HIVEP2: variants seen among roughly 807,000 people sequenced by gnomAD.
HIVEP2 encodes HIVEP zinc finger 2.
In HIVEP2, 14 loss-of-function variants were observed where a neutral mutation model predicts 180.7. The ratio of observed to expected loss-of-function variants is 0.08; its 90% CI spans 0.05 to 0.12. The LOEUF (loss-of-function observed/expected upper bound fraction) is 0.12. Ranked by LOEUF, HIVEP2 falls within the 10% of genes least tolerant of loss-of-function variation. HIVEP2 has a pLI of 1.00. For missense variants in HIVEP2, 2,579 were observed against 3,008.5 expected (o/e 0.86, Z 3.34); for synonymous variants, 1,184 against 1,136.4 (o/e 1.04, Z -0.84).
At chr6:142,933,174 C>T (rs1464453423) in intron 1 of HIVEP2, among the ~76,000 whole-genome samples, 1 of 152,150 alleles carries the variant, frequency 6.6e-6, no homozygotes, top group African/African-American at 2.4e-5. Context: ...TTGCATGTTC[C>T]AAAAGAACCT....
chr6:142,809,059 T>A (rs1776624934), intron 2 of HIVEP2, among the ~76,000 whole-genome samples: 1 of 152,074 alleles, frequency 6.6e-6, no homozygotes, highest in Non-Finnish European at 1.5e-5. Context: ...AATACGTGCT[T>A]AAGATATCAC....
chr6:142,774,671 G>C lies in HIVEP2; in HGVS notation c.68C>G (p.Ser23Ter). The change falls in exon 5 of 10, where the codon TCA becomes TGA. Residue 23 changes from serine (S) to a stop codon, truncating the protein, a stop_gained. Coordinates refer to ENST00000367603, the MANE Select transcript of HIVEP2 (RefSeq NM_006734.4). LOFTEE classifies it high-confidence loss of function. This position sits in a 1 kb window ranked among gnomAD's most constrained non-coding sequence, Gnocchi z 5.1. ...TGATTGTTCCTGTCTCCATCTACCTGATGCTTTATCAGTTTCTCCAGACCT... is the reference window on the plus strand; with the variant it reads ...TGATTGTTCCTGTCTCCATCTACCTCATGCTTTATCAGTTTCTCCAGACCT... Reference protein sequence around the residue: ...TSRSGETDKASGRWRQEQSAV... With the variant: ...TSRSGETDKA 1.2e-6 allele frequency: 2 copies of C among 1,614,134 alleles called. No individual in the cohort carries two copies. Among genetic ancestry groups the C allele is most frequent in the Non-Finnish European group, 1.7e-6 (2 of 1,180,006 alleles).
chr6:142,868,931 C>T (rs1258546911), intron 1 of HIVEP2, among the ~76,000 whole-genome samples: 1 of 152,166 alleles, frequency 6.6e-6, no homozygotes, highest in South Asian at 2.1e-4. Flanking sequence ...GTCTGAACAT[C>T]GATTCAAATT....
At chr6:142,756,212 T>C (rs1425343612) in intron 9 of HIVEP2, among the ~76,000 whole-genome samples, 3 of 152,156 alleles carry the variant, frequency 2.0e-5, no homozygotes, top group Non-Finnish European at 4.4e-5. Flanking sequence ...AGTATGGCAG[T>C]AGGGACCTCT....
At chr6:142,917,284 T>A (rs527413729) in intron 1 of HIVEP2, among the ~76,000 whole-genome samples, 73 of 152,298 alleles carry the variant, frequency 4.8e-4, no homozygotes, top group African/African-American at 1.6e-3. Context: ...ACAGAATACA[T>A]GAATAATGAA....
chr6:142,770,780 G>A lies in HIVEP2; in HGVS notation c.3959C>T (p.Ser1320Leu), dbSNP rs745789310. ...GGACTGCAAAGACCCAGCATTTGCCGAGGCAAAATCTTCTTGAAGAACCTG... is the reference window on the plus strand; with the variant it reads ...GGACTGCAAAGACCCAGCATTTGCCAAGGCAAAATCTTCTTGAAGAACCTG... ...SEQVLQEDFA[S>L]ANAGSLQSLP... Residue 1320 changes from serine to leucine, a missense_variant, in exon 5 of 10, where the codon TCG (serine) becomes TTG (leucine). Coordinates refer to ENST00000367603, the MANE Select transcript of HIVEP2 (RefSeq NM_006734.4). This position sits in a 1 kb window ranked among gnomAD's most constrained non-coding sequence, Gnocchi z 4.7. 5.6e-6 allele frequency: 9 copies of A among 1,614,180 alleles called. No individual in the cohort carries two copies. The highest frequency in any genetic ancestry group is 1.1e-5 in the South Asian group (1 of 91,074).
intron 1 of HIVEP2, among the ~76,000 whole-genome samples, chr6:142,851,140 G>A (rs967493141): frequency 1.3e-5 from 2 of 152,174 alleles, no homozygotes; most frequent in Admixed American, 1.3e-4. Context: ...ACTCCCTTAA[G>A]AGGTGAGAAG....
chr6:142,820,185 G>C (rs1776989766), intron 2 of HIVEP2, among the ~76,000 whole-genome samples: 1 of 152,068 alleles, frequency 6.6e-6, no homozygotes, highest in African/African-American at 2.4e-5. Flanking sequence ...AACTATTACT[G>C]ATCTAACCTT....
rs6931965 is a variant in HIVEP2, at chr6:142,917,132, T to C, written c.-641+27967A>G. 3.3e-5 allele frequency among the ~76,000 whole-genome samples: 5 copies of C among 152,282 alleles called. No homozygotes were observed. The East Asian group carries it at 7.7e-4, about 23-fold the overall frequency. On this transcript the variant is annotated intron_variant, in intron 1 of 9. Transcript: ENST00000367603. ...CATCCAAAATTTCAAAGGTGATTAG[T>C]TGATAACTTCTTTGCTACTCTTATT...
Position 142,911,037 on chromosome 6 carries a change from C to T in HIVEP2, c.-641+34062G>A, listed in dbSNP as rs9399412. Among the ~76,000 whole-genome samples the T allele has an allele frequency of 8.6e-3, 1,299 of 150,204 alleles. 84 individuals carry two copies. The East Asian group carries it at 0.17, about 20-fold the overall frequency. On this transcript the variant is annotated intron_variant, in intron 1 of 9. Transcript: ENST00000367603. The stretch of plus-strand genomic sequence containing the variant: ...AATGAATGCCACCCTCTGCAATGCA[C>T]TGGATAAAATTAAGTTTAAAAAGTT...
intron 1 of HIVEP2, among the ~76,000 whole-genome samples, chr6:142,905,464 A>G (rs1188480332): frequency 6.6e-6 from 1 of 152,250 alleles, no homozygotes; most frequent in Non-Finnish European, 1.5e-5. Context: ...CTTACATTTT[A>G]AAAGCAAGAC....
Position 142,772,995 on chromosome 6 carries a change from C to T in HIVEP2, c.1744G>A (p.Val582Met), listed in dbSNP as rs369603324. ...GSDDVFYPGT[V>M]GIPPQRMLRR... ...AGCATGCGCTGAGGGGGTATGCCCA[C>T]GGTCCCTGGATAGAATACATCGTCG... Residue 582 changes from valine to methionine, a missense_variant, in exon 5 of 10, where the codon GTG becomes ATG. By Grantham distance (21) the Val-to-Met change is conservative. Coordinates refer to ENST00000367603, the MANE Select transcript of HIVEP2 (RefSeq NM_006734.4). The surrounding 1 kb of genome is among the most constrained non-coding windows in gnomAD (Gnocchi z 4.9). 3.2e-5 allele frequency: 52 copies of T among 1,614,044 alleles called. No homozygotes were observed. Among genetic ancestry groups the T allele is most frequent in the African/African-American group, 1.1e-4 (8 of 74,916 alleles).
At chr6:142,863,813 T>G (rs1226118557) in intron 1 of HIVEP2, among the ~76,000 whole-genome samples, 1 of 152,176 alleles carries the variant, frequency 6.6e-6, no homozygotes, top group Non-Finnish European at 1.5e-5. Flanking sequence ...AAGACACACT[T>G]CTTTCTGTGG....
intron 2 of HIVEP2, among the ~76,000 whole-genome samples, chr6:142,805,321 C>T (rs1776519930): frequency 6.6e-6 from 1 of 151,966 alleles, no homozygotes; most frequent in African/African-American, 2.4e-5. Flanking sequence ...CAATTAACTC[C>T]AACATTCCCT....
chr6:142,935,909 TA>T (rs1778043021), intron 1 of HIVEP2, among the ~76,000 whole-genome samples: 1 of 152,120 alleles, frequency 6.6e-6, no homozygotes, highest in Non-Finnish European at 1.5e-5. Flanking sequence ...ATAATTTAAC[TA>T]CTTCACTTTG....
Position 142,935,319 on chromosome 6 carries a change from G to A in HIVEP2, c.-641+9780C>T, listed in dbSNP as rs1188374848. ...TCCCCGCACTTTGGGAGGCTAAGGC[G>A]GGGTGGATGACTTGAGCCTAGGAGT... On this transcript the variant is annotated intron_variant, in intron 1 of 9. Coordinates refer to ENST00000367603, the MANE Select transcript of HIVEP2 (RefSeq NM_006734.4). 3.3e-5 allele frequency among the ~76,000 whole-genome samples: 5 copies of A among 152,278 alleles called. No homozygotes were observed. The South Asian group carries it at 6.2e-4, about 19-fold the overall frequency.
chr6:142,845,843 C>T (rs1217909688), intron 1 of HIVEP2, among the ~76,000 whole-genome samples: 2 of 152,216 alleles, frequency 1.3e-5, no homozygotes, highest in Non-Finnish European at 2.9e-5. Flanking sequence ...GGCCCTCCCC[C>T]GGACAACAAG....
intron 1 of HIVEP2, among the ~76,000 whole-genome samples, chr6:142,839,344 T>G (rs559960677): frequency 8.1e-4 from 124 of 152,174 alleles, no homozygotes; most frequent in African/African-American, 2.7e-3. Context: ...TTCCTTACTT[T>G]TAATTTGTTT....
chr6:142,857,401 C>A (rs1315289836), intron 1 of HIVEP2, among the ~76,000 whole-genome samples: 1 of 152,142 alleles, frequency 6.6e-6, no homozygotes, highest in Non-Finnish European at 1.5e-5. Context: ...TATGTTCTCA[C>A]GGGGTTTCAG....
Sources: gnomAD v4.1 joint callset for allele counts (sites outside exome capture counted in the v4.1 genomes callset) on GRCh38, gnomAD v4.1.1 for gene constraint, Gnocchi (gnomAD v3.1) non-coding constraint, MANE v1.5 for transcripts, NCBI Gene and HGNC (gene_info 2026-07-23, HGNC 2026-07-21) for gene names.